GRIN2A: variants seen among roughly 807,000 people sequenced by gnomAD.
GRIN2A encodes the protein glutamate ionotropic receptor NMDA type subunit 2A.
A neutral mutation model predicts 113.4 loss-of-function variants in GRIN2A; 22 were observed. The observed-to-expected ratio is 0.19, with a 90% CI of 0.14 to 0.28. The LOEUF is 0.28. Among genes scored for constraint, GRIN2A ranks in the 10% least tolerant of loss-of-function variants. The pLI, the probability that GRIN2A is intolerant of heterozygous loss-of-function variation, is 1.00. For missense variants in GRIN2A, 1,502 were observed against 1,887.0 expected (o/e 0.80, Z 3.78); for synonymous variants, 827 against 738.4 (o/e 1.12, Z -1.94).
intron 2 of GRIN2A, among the ~76,000 whole-genome samples, chr16:10,103,187 T>C (rs765038102): frequency 2.0e-5 from 3 of 152,082 alleles, no homozygotes; most frequent in Non-Finnish European, 2.9e-5. Context: ...AAAGTAAATA[T>C]GGGAAAATGT....
intron 2 of GRIN2A, among the ~76,000 whole-genome samples, chr16:9,960,018 C>T (rs553971156): frequency 2.0e-5 from 3 of 152,242 alleles, no homozygotes; most frequent in Non-Finnish European, 4.4e-5. Flanking sequence ...AACCTAGAAA[C>T]TCACTGAAAC....
intron 2 of GRIN2A, among the ~76,000 whole-genome samples, chr16:10,069,814 C>T (rs1040691670): frequency 6.6e-6 from 1 of 152,250 alleles, no homozygotes; most frequent in African/African-American, 2.4e-5. Flanking sequence ...GCAAGCTGTG[C>T]ATGACCACCT....
rs189314770 is a variant in GRIN2A at position 9,850,967 on chromosome 16, T to C, written c.1123-1006A>G. Reference sequence around the variant, plus strand: ...ACACGCCATTGCTTGACACCACAGGTCACCGCTTTATTTGTAATACCAACC... The same window carrying C: ...ACACGCCATTGCTTGACACCACAGGCCACCGCTTTATTTGTAATACCAACC... On this transcript the variant is annotated intron_variant, in intron 4 of 12. Coordinates refer to ENST00000330684, the MANE Select transcript of GRIN2A (RefSeq NM_001134407.3). Among the ~76,000 whole-genome samples, 537 of 152,226 alleles carry C rather than the reference T, an allele frequency of 3.5e-3. 2 individuals are homozygous for C. The highest frequency in any genetic ancestry group is 6.5e-3 in the Non-Finnish European group (442 of 68,018).
chr16:9,995,802 A>G (rs887149013), intron 2 of GRIN2A, among the ~76,000 whole-genome samples: 33 of 152,200 alleles, frequency 2.2e-4, no homozygotes, highest in African/African-American at 7.9e-4. Flanking sequence ...TGACCCCCTT[A>G]ACACTAGCTT....
intron 2 of GRIN2A, among the ~76,000 whole-genome samples, chr16:10,062,816 G>C (rs2047570987): frequency 6.6e-6 from 1 of 151,718 alleles, no homozygotes; most frequent in African/African-American, 2.4e-5. Context: ...TGTGAGCAGA[G>C]ATTGTGCCAC....
intron 11 of GRIN2A, among the ~76,000 whole-genome samples, chr16:9,772,235 A>G (rs144956871): frequency 2.6e-4 from 39 of 152,278 alleles, no homozygotes; most frequent in Admixed American, 1.8e-3. Context: ...CACCAACACT[A>G]TCTCAAACTC....
At chr16:10,121,828 T>C (rs1300814944) in intron 2 of GRIN2A, among the ~76,000 whole-genome samples, 1 of 152,234 alleles carries the variant, frequency 6.6e-6, no homozygotes, top group Non-Finnish European at 1.5e-5. Flanking sequence ...TTTGATACTT[T>C]AATATAGCAC....
At chr16:9,834,317 C>T (rs2042549508) in intron 7 of GRIN2A, 87 bp from the exon 8 acceptor site, 1 of 1,256,468 alleles carries the variant, frequency 8.0e-7, no homozygotes, top group African/African-American at 1.5e-5. Context: ...CATTTGCAGG[C>T]TCGCCAAAAA....
chr16:10,006,395 G>C (rs774933172), intron 2 of GRIN2A, among the ~76,000 whole-genome samples: 3 of 152,148 alleles, frequency 2.0e-5, no homozygotes, highest in Non-Finnish European at 4.4e-5. Context: ...GAGTGCTAAG[G>C]GGGAGCGGTC....
chr16:10,139,324 G>A (rs112075086), intron 2 of GRIN2A, among the ~76,000 whole-genome samples: 2,418 of 152,292 alleles, frequency 0.016, 42 homozygotes, highest in Non-Finnish European at 0.023. Flanking sequence ...TATACCCTGT[G>A]GGGAGGCAGG....
intron 2 of GRIN2A, chr16:9,943,433 C>T (rs979205377): frequency 2.0e-5 from 3 of 152,210 alleles, no homozygotes; most frequent in Non-Finnish European, 2.9e-5. Context: ...CTAGAGCATT[C>T]AATCCTGTTC....
intron 2 of GRIN2A, among the ~76,000 whole-genome samples, chr16:9,968,184 T>C (rs2045594308): frequency 6.6e-6 from 1 of 152,170 alleles, no homozygotes; most frequent in Non-Finnish European, 1.5e-5. Context: ...ATCCATTCAA[T>C]GACAATCTCT....
chr16:9,855,238 TC>T (rs887206308), intron 4 of GRIN2A, among the ~76,000 whole-genome samples: 4 of 152,158 alleles, frequency 2.6e-5, no homozygotes, highest in African/African-American at 9.7e-5. Flanking sequence ...AGCCACATAA[TC>T]TTTTTGAACC....
rs185140764 is a variant in GRIN2A, at chr16:10,084,507, G to A, written c.414+95491C>T. 2.9e-3 allele frequency among the ~76,000 whole-genome samples: 436 copies of A among 152,124 alleles called. 1 individual carries two copies. Among genetic ancestry groups the A allele is most frequent in the Non-Finnish European group, 4.7e-3 (323 of 68,012 alleles). ...TTATTTAGAATTCCTGTTCATAGGCGGCAAGAAAAAGAAAGATGTAACAAT... is the reference window on the plus strand; with the variant it reads ...TTATTTAGAATTCCTGTTCATAGGCAGCAAGAAAAAGAAAGATGTAACAAT... On this transcript the variant is annotated intron_variant, in intron 2 of 12. Transcript: ENST00000330684.
rs142797285 is a variant in GRIN2A, at chr16:10,111,975, T to C, written c.414+68023A>G. 6.1e-4 allele frequency: 424 copies of C among 692,640 alleles called. 1 individual carries two copies. In the African/African-American group the frequency reaches 6.8e-3, roughly 11 times the overall value. The allele number at this position is 692,640 out of a possible 1,614,324, so 42.9% of individuals were successfully genotyped here. A position where few individuals can be genotyped will look rare whatever the true frequency, so the allele number is the denominator to read the frequency against. On this transcript the variant is annotated intron_variant, in intron 2 of 12. Transcript: ENST00000330684. ...CAGGCATGACATTGAAACAGGCAAA[T>C]GAGATCCTTCAGCCTAGCAAGGGAA...
At chr16:9,978,840 C>T (rs1230462605) in intron 2 of GRIN2A, among the ~76,000 whole-genome samples, 1 of 152,176 alleles carries the variant, frequency 6.6e-6, no homozygotes, top group Non-Finnish European at 1.5e-5. Context: ...GTGGCACGGG[C>T]TTCTCGTCTG....
At chr16:10,122,381 A>C (rs995956079) in intron 2 of GRIN2A, among the ~76,000 whole-genome samples, 6 of 152,180 alleles carry the variant, frequency 3.9e-5, no homozygotes, top group Admixed American at 6.5e-5. Flanking sequence ...AGGAAGCTAC[A>C]AAAGCGGGGA....
chr16:9,789,265 T>C (rs1350741487), intron 11 of GRIN2A, among the ~76,000 whole-genome samples: 1 of 152,218 alleles, frequency 6.6e-6, no homozygotes, highest in East Asian at 1.9e-4. Context: ...AGGGAAATAC[T>C]ATTTTTTCTT....
intron 3 of GRIN2A, among the ~76,000 whole-genome samples, chr16:9,927,332 T>C (rs2044487464): frequency 2.0e-5 from 3 of 152,282 alleles, no homozygotes; most frequent in African/African-American, 7.2e-5. Flanking sequence ...GTACCTGGCA[T>C]TTTCAAAATC....
Sources: allele counts gnomAD v4.1 joint callset (sites outside exome capture counted in the v4.1 genomes callset), GRCh38; gene constraint gnomAD v4.1.1; transcripts MANE v1.5; gene names NCBI Gene and HGNC (gene_info 2026-07-23, HGNC 2026-07-21).